Variants in CARMIL1 observed in about 807,000 individuals in gnomAD.
CARMIL1 encodes F-actin-uncapping protein LRRC16A.
In CARMIL1, 90 loss-of-function variants were observed where a neutral mutation model predicts 177.1. The ratio of observed to expected loss-of-function variants is 0.51; its 90% CI spans 0.43 to 0.61. The LOEUF is 0.61. Among genes scored for constraint, CARMIL1 ranks in the 20% least tolerant of loss-of-function variants. The pLI is 0.00. For missense variants in CARMIL1, 1,380 were observed against 1,667.0 expected (o/e 0.83, Z 3.00); for synonymous variants, 577 against 606.2 (o/e 0.95, Z 0.71).
At position 25,420,109 on chromosome 6, in the gene CARMIL1, T is replaced by C. The variant is rs1412051910; in HGVS notation, c.139-5T>C. ...TATACTGATGCTGCTGCTTCTGTCT[T>C]ACAGGTCCTTACATCATGCCGAGCC... On this transcript the variant is annotated splice_region_variant and splice_polypyrimidine_tract_variant and intron_variant, in intron 2 of 36. Transcript: ENST00000329474. The C allele has an allele frequency of 6.2e-7, 1 of 1,612,132 alleles. No homozygotes were observed. The highest frequency in any genetic ancestry group is 8.5e-7 in the Non-Finnish European group (1 of 1,178,262).
chr6:25,513,957 T>C (rs950956618), intron 20 of CARMIL1, among the ~76,000 whole-genome samples: 1 of 152,196 alleles, frequency 6.6e-6, no homozygotes, highest in African/African-American at 2.4e-5. Context: ...TAGAGCTACA[T>C]TGGTTCAACC....
At chr6:25,473,208 G>A (rs561529971) in intron 11 of CARMIL1, among the ~76,000 whole-genome samples, 13 of 152,224 alleles carry the variant, frequency 8.5e-5, no homozygotes, top group South Asian at 4.2e-4. Context: ...AGGCCCACCC[G>A]TGACAATTTC....
At chr6:25,541,568 T>G (rs1383011216) in intron 26 of CARMIL1, among the ~76,000 whole-genome samples, 1 of 152,180 alleles carries the variant, frequency 6.6e-6, no homozygotes, top group African/African-American at 2.4e-5. Flanking sequence ...TGCGAGCAAT[T>G]GCTGATTTTG....
rs144545330 is a variant in CARMIL1, at chr6:25,525,922, AATAG to A, written c.1969-2867_1969-2864del. 9.0e-3 allele frequency among the ~76,000 whole-genome samples: 1,378 copies of A among 152,280 alleles called. 13 individuals are homozygous for A. Among genetic ancestry groups the A allele is most frequent in the African/African-American group, 0.03 (1,245 of 41,534 alleles). On this transcript the variant is annotated intron_variant, in intron 23 of 36. Transcript: ENST00000329474. ...GATAAAAGAAACAAAGGACAAATGT[AATAG>A]ATAGAAAACAGTTACAAACATGGTA... is the stretch of plus-strand genomic sequence containing the variant.
intron 17 of CARMIL1, among the ~76,000 whole-genome samples, chr6:25,502,715 A>G (rs967750923): frequency 2.0e-5 from 3 of 152,206 alleles, no homozygotes; most frequent in African/African-American, 4.8e-5. Context: ...TGGGATGGGC[A>G]TAAGTGATCA....
chr6:25,340,293 A>G (rs1422503289), intron 2 of CARMIL1, among the ~76,000 whole-genome samples: 2 of 152,208 alleles, frequency 1.3e-5, no homozygotes, highest in African/African-American at 4.8e-5. Context: ...GTCAATTTCC[A>G]TTAAAACCTT....
intron 16 of CARMIL1, among the ~76,000 whole-genome samples, chr6:25,497,850 G>C (rs1428940266): frequency 6.6e-6 from 1 of 152,174 alleles, no homozygotes; most frequent in Admixed American, 6.5e-5. Context: ...GGAGGTGGAA[G>C]GGGGAAGCAA....
chr6:25,580,849 A>T (rs1813054884), intron 29 of CARMIL1, 75 bp from the exon 30 acceptor site: 1 of 1,114,110 alleles, frequency 9.0e-7, no homozygotes, highest in African/African-American at 1.6e-5. Context: ...GTCGATCCAG[A>T]ATGTTTCAGA....
chr6:25,522,188 A>G (rs975240570), intron 23 of CARMIL1, among the ~76,000 whole-genome samples: 3 of 152,164 alleles, frequency 2.0e-5, no homozygotes, highest in African/African-American at 7.2e-5. Context: ...TTGTTGTCAC[A>G]TTTGCCTCCT....
chr6:25,616,716 A>G (rs775624146), intron 36 of CARMIL1, among the ~76,000 whole-genome samples: 71 of 152,256 alleles, frequency 4.7e-4, no homozygotes, highest in Non-Finnish European at 9.0e-4. Context: ...ATATAGTCGT[A>G]GTCAACATCT....
chr6:25,427,786 T>A (rs1796402986), intron 4 of CARMIL1, among the ~76,000 whole-genome samples: 1 of 152,230 alleles, frequency 6.6e-6, no homozygotes, highest in Non-Finnish European at 1.5e-5. Flanking sequence ...GTGGTTTTAA[T>A]TTGCATTTCC....
chr6:25,460,043 C>T (rs535855551), intron 8 of CARMIL1, among the ~76,000 whole-genome samples: 1 of 152,312 alleles, frequency 6.6e-6, no homozygotes, highest in East Asian at 1.9e-4. Flanking sequence ...GTTAATATGA[C>T]AATGGCTGAT....
At chr6:25,540,425 C>A (rs1353523569) in intron 26 of CARMIL1, among the ~76,000 whole-genome samples, 1 of 152,122 alleles carries the variant, frequency 6.6e-6, no homozygotes, top group Non-Finnish European at 1.5e-5. Context: ...ATGATAGTAA[C>A]TACATTTACA....
chr6:25,515,348 T>A lies in CARMIL1; in HGVS notation c.1633-327T>A, dbSNP rs301381. ...GGTATAAAGGGTGATCATATTAAGC[T>A]GAGAAATTTTTGTTATGTTTTTATT... On this transcript the variant is annotated intron_variant, in intron 20 of 36. Transcript: ENST00000329474. This position sits in a 1 kb window ranked among gnomAD's most constrained non-coding sequence, Gnocchi z 5.0. Among the ~76,000 whole-genome samples, 66,329 of 151,944 alleles carry A rather than the reference T, an allele frequency of 0.44. 14,870 individuals are homozygous for A. The highest frequency in any genetic ancestry group is 0.52 in the Middle Eastern group (152 of 294).
intron 32 of CARMIL1, among the ~76,000 whole-genome samples, chr6:25,595,788 A>T (rs1014984502): frequency 2.6e-5 from 4 of 152,228 alleles, no homozygotes; most frequent in Non-Finnish European, 5.9e-5. Flanking sequence ...CAACACAAAC[A>T]TATAGCAAAA....
rs1805849061 is a variant in CARMIL1, at chr6:25,515,186, A to G, written c.1633-489A>G. ...GAAGATTAAGTGAATTAATATACAT[A>G]AAAAGCTTAAATGGTGGTTAAACAT... On this transcript the variant is annotated intron_variant, in intron 20 of 36. Coordinates refer to ENST00000329474, the MANE Select transcript of CARMIL1 (RefSeq NM_017640.6). This position sits in a 1 kb window ranked among gnomAD's most constrained non-coding sequence, Gnocchi z 5.0. 6.6e-6 allele frequency among the ~76,000 whole-genome samples: 1 copy of G among 152,196 alleles called. No homozygotes were observed. Among genetic ancestry groups the G allele is most frequent in the Non-Finnish European group, 1.5e-5 (1 of 68,042 alleles).
intron 2 of CARMIL1, among the ~76,000 whole-genome samples, chr6:25,292,053 A>C (rs1782014001): frequency 6.6e-6 from 1 of 152,212 alleles, no homozygotes. Context: ...GTTTTATTCC[A>C]GTAGTTAAAA....
chr6:25,477,499 T>C (rs1801684260), intron 11 of CARMIL1, among the ~76,000 whole-genome samples: 1 of 152,180 alleles, frequency 6.6e-6, no homozygotes, highest in Non-Finnish European at 1.5e-5. Flanking sequence ...TTCTTATCCT[T>C]GTTGCCAGGC....
At chr6:25,589,397 C>T (rs1048880759) in intron 31 of CARMIL1, among the ~76,000 whole-genome samples, 1 of 152,206 alleles carries the variant, frequency 6.6e-6, no homozygotes, top group African/African-American at 2.4e-5. Context: ...AATCCATTTA[C>T]AAGTCTTGTT....
Sources: gnomAD v4.1 joint callset for allele counts (sites outside exome capture counted in the v4.1 genomes callset) on GRCh38, gnomAD v4.1.1 for gene constraint, Gnocchi (gnomAD v3.1) non-coding constraint, MANE v1.5 for transcripts, NCBI Gene and HGNC (gene_info 2026-07-23, HGNC 2026-07-21) for gene names.